TFEC: variants seen among roughly 807,000 people sequenced by gnomAD.
TFEC encodes the protein class E basic helix-loop-helix protein 34.
In TFEC, 31 loss-of-function variants were observed where a neutral mutation model predicts 41.6. That is an observed-to-expected ratio of 0.74 (90% CI 0.56 to 1.01). The LOEUF is 1.01. TFEC is among the 50% of genes least tolerant of loss of function. TFEC has a pLI of 0.00. For missense variants in TFEC, 402 were observed against 404.1 expected (o/e 0.99, Z 0.04); for synonymous variants, 143 against 140.6 (o/e 1.02, Z -0.12).
chr7:115,957,490 T>C (rs1304705681), intron 3 of TFEC, among the ~76,000 whole-genome samples: 2 of 151,906 alleles, frequency 1.3e-5, no homozygotes, highest in Non-Finnish European at 1.5e-5. Flanking sequence ...AAAACCTAAG[T>C]TGCTTTATAC....
At chr7:115,960,061 A>G (rs988227607) in intron 3 of TFEC, among the ~76,000 whole-genome samples, 1 of 151,354 alleles carries the variant, frequency 6.6e-6, no homozygotes, top group African/African-American at 2.4e-5. Context: ...AGAATGCCTA[A>G]TAAGAATGAT....
intron 5 of TFEC, 79 bp from the exon 6 acceptor site, chr7:115,951,028 TC>T: frequency 1.2e-6 from 1 of 818,320 alleles, no homozygotes; most frequent in Non-Finnish European, 1.8e-6. Flanking sequence ...TTTTTAACAA[TC>T]TTTTAAAAAC....
upstream of TFEC, among the ~76,000 whole-genome samples, chr7:116,034,205 C>CA (rs1203646831): frequency 6.6e-6 from 1 of 152,060 alleles, no homozygotes; most frequent in Non-Finnish European, 1.5e-5. Context: ...TCCTAAGTCT[C>CA]AGCCTGTTCT....
intron 3 of TFEC, among the ~76,000 whole-genome samples, chr7:115,959,091 C>T (rs1031745144): frequency 6.6e-5 from 10 of 151,726 alleles, no homozygotes; most frequent in African/African-American, 2.4e-4. Flanking sequence ...AAATGAATAC[C>T]TATTTTATGA....
At chr7:115,980,041 C>A (rs1793557131) in intron 2 of TFEC, among the ~76,000 whole-genome samples, 1 of 152,166 alleles carries the variant, frequency 6.6e-6, no homozygotes, top group East Asian at 1.9e-4. Context: ...CACAGCAGAT[C>A]CATTGAGAGT....
intron 6 of TFEC, among the ~76,000 whole-genome samples, chr7:115,948,652 T>C (rs1219163755): frequency 6.6e-6 from 1 of 151,718 alleles, no homozygotes; most frequent in Non-Finnish European, 1.5e-5. Flanking sequence ...TCAACAACCC[T>C]TCATGCTAAA....
chr7:116,065,519 T>C (rs1009634624), intron 3 of TFEC, among the ~76,000 whole-genome samples: 1 of 152,080 alleles, frequency 6.6e-6, no homozygotes, highest in Non-Finnish European at 1.5e-5. Flanking sequence ...TGATTTCTGG[T>C]CCTTTGAACT....
Position 115,940,742 on chromosome 7 carries a change from G to C in TFEC, c.853C>G (p.Pro285Ala). 2 of 1,613,488 alleles carry C rather than the reference G, an allele frequency of 1.2e-6. No homozygotes were observed. The highest frequency in any genetic ancestry group is 2.2e-5 in the East Asian group (1 of 44,848). The change falls in exon 8 of 8, where the codon CCT becomes GCT. Residue 285 changes from proline (P) to alanine (A), a missense_variant. Physicochemically the swap from Pro to Ala is conservative, Grantham distance 27. Transcript: ENST00000265440. ...GATAAATCTGTGAAGTATGACAAAG[G>C]ATCAGAAAAGGCTATAGCTTGATCA... Reference protein sequence around the residue: ...LCDQAIAFSDPLSYFTDLSFS... With the variant: ...LCDQAIAFSDALSYFTDLSFS...
At chr7:116,006,224 C>T (rs1283982793) in intron 1 of TFEC, among the ~76,000 whole-genome samples, 1 of 152,144 alleles carries the variant, frequency 6.6e-6, no homozygotes, top group Admixed American at 6.5e-5. Context: ...CACCATCTTC[C>T]AAACCCCAGA....
rs114468962 is a variant in TFEC, at chr7:116,116,303, T to C, written c.-68-4265A>G. Among the ~76,000 whole-genome samples, 117 of 152,036 alleles carry C rather than the reference T, an allele frequency of 7.7e-4. 1 individual carries two copies. The highest frequency in any genetic ancestry group is 2.7e-3 in the African/African-American group (114 of 41,538). The stretch of plus-strand genomic sequence containing the variant: ...GAAAAGAAGTATATGGGGGACATGA[T>C]AGCTGTCTTGAAATATGTGATGAAC... On this transcript the variant is annotated intron_variant, in intron 1 of 8. Transcript: ENST00000484212.
chr7:115,979,167 A>G (rs987493051), intron 2 of TFEC, among the ~76,000 whole-genome samples: 2 of 152,128 alleles, frequency 1.3e-5, no homozygotes, highest in African/African-American at 2.4e-5. Context: ...CCCTCTATAT[A>G]GCTGACAAAG....
intron 3 of TFEC, among the ~76,000 whole-genome samples, chr7:116,049,984 G>A (rs1320134532): frequency 6.6e-6 from 1 of 152,196 alleles, no homozygotes; most frequent in East Asian, 1.9e-4. Flanking sequence ...AAAGCAGTGT[G>A]TAGAGGGAAA....
chr7:115,967,308 T>A (rs1301186445), intron 3 of TFEC, among the ~76,000 whole-genome samples: 2 of 151,734 alleles, frequency 1.3e-5, no homozygotes, highest in Admixed American at 6.6e-5. Flanking sequence ...TCCTATATTG[T>A]GTTTTTTTGT....
chr7:116,141,235 C>T (rs754616522), intron 1 of TFEC, among the ~76,000 whole-genome samples: 20 of 152,026 alleles, frequency 1.3e-4, no homozygotes, highest in Middle Eastern at 3.4e-3. Flanking sequence ...ATTTAAATTG[C>T]GTGAGCAATT....
intron 3 of TFEC, among the ~76,000 whole-genome samples, chr7:116,097,363 A>T (rs10236130): frequency 0.1 from 15,364 of 152,218 alleles, 846 homozygotes; most frequent in African/African-American, 0.14. Context: ...TCTATGATAA[A>T]TTTTAATTTA....
chr7:116,021,578 A>G (rs1306871061), intron 1 of TFEC, among the ~76,000 whole-genome samples: 1 of 152,208 alleles, frequency 6.6e-6, no homozygotes, highest in Non-Finnish European at 1.5e-5. Flanking sequence ...CCAAGAAAAT[A>G]GGTATAGATT....
chr7:116,149,117 G>C (rs1798706205), intron 1 of TFEC, among the ~76,000 whole-genome samples: 1 of 151,974 alleles, frequency 6.6e-6, no homozygotes, highest in African/African-American at 2.4e-5. Context: ...CTCTGAAAAA[G>C]AAGGATGAAA....
At chr7:115,989,878 T>C (rs1239525120) in intron 1 of TFEC, among the ~76,000 whole-genome samples, 2 of 152,162 alleles carry the variant, frequency 1.3e-5, no homozygotes, top group Non-Finnish European at 2.9e-5. Context: ...AAGAGAGTAG[T>C]GGTTCTCCCA....
chr7:116,037,507 C>G (rs1241832134), intron 3 of TFEC, among the ~76,000 whole-genome samples: 1 of 151,884 alleles, frequency 6.6e-6, no homozygotes, highest in Non-Finnish European at 1.5e-5. Context: ...AATTGAGTCT[C>G]TTGGCAAATA....
Sources: allele counts gnomAD v4.1 joint callset (sites outside exome capture counted in the v4.1 genomes callset), GRCh38; gene constraint gnomAD v4.1.1; transcripts MANE v1.5; gene names NCBI Gene and HGNC (gene_info 2026-07-23, HGNC 2026-07-21).